The following CFDP1 variants were observed in gnomAD, a reference collection of about 807,000 sequenced individuals.
CFDP1 encodes the protein chromatin remodeling protein CFDP1.
A neutral mutation model predicts 40.1 loss-of-function variants in CFDP1; 31 were observed. The observed-to-expected ratio is 0.77, with a 90% CI of 0.58 to 1.04. The LOEUF is 1.04. Ranked by LOEUF, CFDP1 falls within the 50% of genes least tolerant of loss-of-function variation. The pLI is 0.00. For synonymous variants in CFDP1, 167 were observed against 120.0 expected (o/e 1.39, Z -2.56); for missense variants, 423 against 343.4 (o/e 1.23, Z -1.83).
intron 5 of CFDP1, among the ~76,000 whole-genome samples, chr16:75,310,888 G>C (rs1359084594): frequency 6.6e-6 from 1 of 152,180 alleles, no homozygotes; most frequent in African/African-American, 2.4e-5. Context: ...TAGAATTTTA[G>C]CTTTGGAAAG....
At chr16:75,388,091 A>G (rs532647590) in intron 5 of CFDP1, among the ~76,000 whole-genome samples, 1 of 152,368 alleles carries the variant, frequency 6.6e-6, no homozygotes, top group African/African-American at 2.4e-5. Flanking sequence ...TTTGGTCTCA[A>G]ATAGATTTGG....
At chr16:75,346,302 G>C (rs1487343305) in intron 5 of CFDP1, among the ~76,000 whole-genome samples, 1 of 152,112 alleles carries the variant, frequency 6.6e-6, no homozygotes, top group African/African-American at 2.4e-5. Flanking sequence ...CACCAGGTAG[G>C]GCTGGGCATG....
intron 5 of CFDP1, among the ~76,000 whole-genome samples, chr16:75,352,007 CAAAAAA>C (rs3975153): frequency 3.1e-4 from 27 of 86,764 alleles, no homozygotes; most frequent in South Asian, 1.6e-3. Flanking sequence ...GACTCTGTCT[CAAAAAA>C]AAAAAAAAAA....
intron 5 of CFDP1, chr16:75,391,343 A>G (rs985735548): frequency 6.6e-6 from 1 of 152,202 alleles, no homozygotes; most frequent in Non-Finnish European, 1.5e-5. Flanking sequence ...AATACTTTCA[A>G]TAAGTGCAAG....
At chr16:75,373,526 C>T (rs1394130415) in intron 5 of CFDP1, among the ~76,000 whole-genome samples, 3 of 152,036 alleles carry the variant, frequency 2.0e-5, no homozygotes. Flanking sequence ...TGACCCCTGC[C>T]CACCCCCCAT....
intron 3 of CFDP1, 150 bp from the exon 4 acceptor site, chr16:75,412,102 C>T: frequency 1.3e-6 from 1 of 791,574 alleles, no homozygotes; most frequent in Non-Finnish European, 1.9e-6. Flanking sequence ...TGCAACCTCC[C>T]CACCTCCCAG....
chr16:75,299,436 A>AAAAT (rs2078206601), intron 6 of CFDP1, among the ~76,000 whole-genome samples: 2 of 150,362 alleles, frequency 1.3e-5, no homozygotes, highest in South Asian at 2.1e-4. Flanking sequence ...AAAAAAAAAA[A>AAAAT]TACAAAAAAT....
chr16:75,362,844 A>G (rs2078688563), intron 5 of CFDP1: 1 of 152,252 alleles, frequency 6.6e-6, no homozygotes, highest in African/African-American at 2.4e-5. Context: ...ACATGGAACC[A>G]GAAGCGAGAG....
intron 5 of CFDP1, among the ~76,000 whole-genome samples, chr16:75,351,162 A>AT (rs1259577775): frequency 6.6e-6 from 1 of 152,216 alleles, no homozygotes; most frequent in African/African-American, 2.4e-5. Context: ...GAAGCTTCAG[A>AT]TTTAAGATAA....
At chr16:75,335,336 TCAAAA>T (rs1376978364) in intron 5 of CFDP1, among the ~76,000 whole-genome samples, 1 of 152,154 alleles carries the variant, frequency 6.6e-6, no homozygotes, top group Non-Finnish European at 1.5e-5. Flanking sequence ...ATGTTCGTGG[TCAAAA>T]TTCAAAATGA....
At chr16:75,326,223 C>T (rs768557239) in intron 5 of CFDP1, among the ~76,000 whole-genome samples, 2 of 152,114 alleles carry the variant, frequency 1.3e-5, no homozygotes, top group African/African-American at 2.4e-5. Context: ...TTGACACTGG[C>T]GACACTGCAG....
rs371636854 is a variant in CFDP1 at position 75,317,473 on chromosome 16, G to A, written c.651-12291C>T. Reference sequence around the variant, plus strand: ...AGAAGGCCAGGGGGCTCTCCAAGGAGGAAATGTTGAGTGTAATGGAAACTA... The same window carrying A: ...AGAAGGCCAGGGGGCTCTCCAAGGAAGAAATGTTGAGTGTAATGGAAACTA... On this transcript the variant is annotated intron_variant, in intron 5 of 6. Coordinates refer to ENST00000283882, the MANE Select transcript of CFDP1 (RefSeq NM_006324.3). 1.2e-4 allele frequency among the ~76,000 whole-genome samples: 19 copies of A among 152,314 alleles called. 3 individuals are homozygous for A. The highest frequency in any genetic ancestry group is 5.9e-4 in the Admixed American group (9 of 15,288).
At chr16:75,298,808 G>A (rs1417977113) in intron 6 of CFDP1, among the ~76,000 whole-genome samples, 1 of 152,112 alleles carries the variant, frequency 6.6e-6, no homozygotes, top group Non-Finnish European at 1.5e-5. Flanking sequence ...TCACCTCCAG[G>A]TTGTGCTGGT....
At chr16:75,428,702 G>A (rs1290810992) in intron 1 of CFDP1, among the ~76,000 whole-genome samples, 1 of 150,822 alleles carries the variant, frequency 6.6e-6, no homozygotes, top group South Asian at 2.1e-4. Flanking sequence ...AAAAGAAAGA[G>A]TGAGAGAGGA....
chr16:75,333,136 T>C (rs1409615522), intron 5 of CFDP1, among the ~76,000 whole-genome samples: 1 of 145,722 alleles, frequency 6.9e-6, no homozygotes, highest in Non-Finnish European at 1.5e-5. Flanking sequence ...TTTTTTTTTT[T>C]TTTTTGAGAT....
chr16:75,368,638 T>A lies in CFDP1; in HGVS notation c.650+26452A>T, dbSNP rs145796761. Among the ~76,000 whole-genome samples the A allele has an allele frequency of 4.4e-3, 671 of 152,344 alleles. 9 individuals are homozygous for A. The highest frequency in any genetic ancestry group is 0.016 in the African/African-American group (663 of 41,578). ...TGAAGTTTAGTGATGGGTACAGGGA[T>A]TCATTATACCTTACACTTTACTTTT... On this transcript the variant is annotated intron_variant, in intron 5 of 6. Transcript: ENST00000283882.
At chr16:75,332,631 C>T (rs1229013645) in intron 5 of CFDP1, among the ~76,000 whole-genome samples, 1 of 151,644 alleles carries the variant, frequency 6.6e-6, no homozygotes, top group African/African-American at 2.4e-5. Flanking sequence ...TGCACCACTA[C>T]ACCACAGCCT....
At chr16:75,315,984 T>C (rs1278633953) in intron 5 of CFDP1, among the ~76,000 whole-genome samples, 1 of 152,218 alleles carries the variant, frequency 6.6e-6, no homozygotes, top group East Asian at 1.9e-4. Flanking sequence ...TTGGTTTTGT[T>C]GTTTTGATTT....
At chr16:75,372,956 A>G (rs2078764932) in intron 5 of CFDP1, among the ~76,000 whole-genome samples, 1 of 152,216 alleles carries the variant, frequency 6.6e-6, no homozygotes, top group South Asian at 2.1e-4. Context: ...ATCAACTGTA[A>G]AAGAAAAAAA....
Sources: gnomAD v4.1 joint callset for allele counts (sites outside exome capture counted in the v4.1 genomes callset) on GRCh38, gnomAD v4.1.1 for gene constraint, MANE v1.5 for transcripts, NCBI Gene and HGNC (gene_info 2026-07-23, HGNC 2026-07-21) for gene names.